RBFOX1: variants seen among roughly 807,000 people sequenced by gnomAD.
RBFOX1 encodes RNA binding protein fox-1 homolog 1.
In RBFOX1, 8 loss-of-function variants were observed where a neutral mutation model predicts 57.7. The observed-to-expected ratio is 0.14, with a 90% CI of 0.08 to 0.25. The LOEUF is 0.25. RBFOX1 is among the 10% of genes least tolerant of loss of function. RBFOX1 has a pLI of 1.00. For missense variants in RBFOX1, 611 were observed against 548.5 expected, an observed-to-expected ratio of 1.11 and a Z score of -1.14; for synonymous variants, 326 against 222.4, an observed-to-expected ratio of 1.47 and a Z score of -4.15.
At chr16:7,141,257 G>T (rs1300177760) in intron 4 of RBFOX1, among the ~76,000 whole-genome samples, 1 of 152,172 alleles carries the variant, frequency 6.6e-6, no homozygotes, top group Non-Finnish European at 1.5e-5. Context: ...CCTTCAAGGA[G>T]TTAAGTTCAG....
chr16:6,472,626 C>A (rs1448399966), intron 2 of RBFOX1, among the ~76,000 whole-genome samples: 1 of 150,884 alleles, frequency 6.6e-6, no homozygotes, highest in Admixed American at 6.6e-5. Context: ...TTTTTTCTTT[C>A]TTTCTTTTTT....
rs745504789 is a variant in RBFOX1 at position 7,411,203 on chromosome 16, C to T, written c.28-106944C>T. 4.0e-5 allele frequency among the ~76,000 whole-genome samples: 6 copies of T among 151,036 alleles called. No individual in the cohort carries two copies. The East Asian group carries it at 7.9e-4, about 20-fold the overall frequency. On this transcript the variant is annotated intron_variant, in intron 4 of 15. Coordinates refer to ENST00000550418, the MANE Select transcript of RBFOX1 (RefSeq NM_018723.4). ...TCAGGTGATCTGCCCTTCTCAGCCT[C>T]CCAAAGTGCTGGGATTACAGCCACC...
intron 3 of RBFOX1, among the ~76,000 whole-genome samples, chr16:6,657,179 C>T (rs1415333165): frequency 6.6e-6 from 1 of 150,940 alleles, no homozygotes; most frequent in Non-Finnish European, 1.5e-5. Context: ...CTTTTTCTCT[C>T]CTCCTTTCCT....
intron 10 of RBFOX1, among the ~76,000 whole-genome samples, chr16:7,616,891 C>T (rs1447439819): frequency 1.3e-5 from 2 of 152,006 alleles, no homozygotes; most frequent in East Asian, 3.9e-4. Context: ...CTCCCAGGAG[C>T]TGGCCAAAGT....
intron 3 of RBFOX1, among the ~76,000 whole-genome samples, chr16:6,823,239 T>G (rs2091614432): frequency 6.6e-6 from 1 of 151,840 alleles, no homozygotes; most frequent in Non-Finnish European, 1.5e-5. Context: ...CATCTGAAAT[T>G]GTTTTGTTTT....
At chr16:6,052,804 T>TAATAATA (rs1333699113) in intron 1 of RBFOX1, among the ~76,000 whole-genome samples, 10 of 144,222 alleles carry the variant, frequency 6.9e-5, no homozygotes, top group African/African-American at 1.5e-4. Flanking sequence ...TAAAATAAAA[T>TAATAATA]ATAATAATAA....
chr16:5,714,182 C>T (rs1027378011), intron 3 of RBFOX1, among the ~76,000 whole-genome samples: 6 of 152,212 alleles, frequency 3.9e-5, no homozygotes, highest in African/African-American at 1.4e-4. Context: ...TCATTCTTTA[C>T]TCTTCTCTGC....
At chr16:6,689,392 A>T (rs2059897116) in intron 3 of RBFOX1, among the ~76,000 whole-genome samples, 1 of 152,302 alleles carries the variant, frequency 6.6e-6, no homozygotes, top group East Asian at 1.9e-4. Flanking sequence ...GATTTATTTG[A>T]TGTGGGCAAT....
At chr16:5,914,792 G>C (rs866386370) in intron 4 of RBFOX1, among the ~76,000 whole-genome samples, 4 of 152,124 alleles carry the variant, frequency 2.6e-5, no homozygotes, top group South Asian at 4.1e-4. Context: ...CTACTCAGGA[G>C]GCTGAGGCAG....
chr16:6,026,537 A>G (rs1159736050), intron 1 of RBFOX1, among the ~76,000 whole-genome samples: 1 of 152,208 alleles, frequency 6.6e-6, no homozygotes, highest in Non-Finnish European at 1.5e-5. Flanking sequence ...GCAAGATACA[A>G]GGGAGGGTGG....
chr16:6,698,937 C>T (rs576622004), intron 3 of RBFOX1, among the ~76,000 whole-genome samples: 13 of 152,186 alleles, frequency 8.5e-5, no homozygotes, highest in South Asian at 6.2e-4. Context: ...GTGTCCATAG[C>T]GTACGAAGAC....
chr16:7,130,184 C>T (rs978310493), intron 4 of RBFOX1, among the ~76,000 whole-genome samples: 2 of 151,944 alleles, frequency 1.3e-5, no homozygotes, highest in African/African-American at 4.8e-5. Flanking sequence ...CAGGCACGTG[C>T]CACCATGCCC....
intron 2 of RBFOX1, among the ~76,000 whole-genome samples, chr16:6,544,642 G>T (rs1268620672): frequency 6.6e-6 from 1 of 152,158 alleles, no homozygotes; most frequent in Non-Finnish European, 1.5e-5. Context: ...TGGATTTGAG[G>T]ATCATAACTT....
chr16:7,313,211 G>T (rs1032506785), intron 4 of RBFOX1, among the ~76,000 whole-genome samples: 8 of 152,134 alleles, frequency 5.3e-5, no homozygotes, highest in South Asian at 2.1e-4. Flanking sequence ...TCGTTGACAG[G>T]TTCCCTCAAC....
At chr16:5,263,770 G>T (rs1272900632) in intron 1 of RBFOX1, among the ~76,000 whole-genome samples, 2 of 152,182 alleles carry the variant, frequency 1.3e-5, no homozygotes, top group Non-Finnish European at 2.9e-5. Context: ...AACCCCTAGG[G>T]ATGGGTTTGG....
intron 10 of RBFOX1, among the ~76,000 whole-genome samples, chr16:7,623,331 A>G (rs2059591644): frequency 6.6e-6 from 1 of 152,198 alleles, no homozygotes; most frequent in African/African-American, 2.4e-5. Context: ...ACATTGTAAT[A>G]TATAATGAAT....
chr16:7,002,383 C>G (rs548906245), intron 3 of RBFOX1, among the ~76,000 whole-genome samples: 1 of 152,172 alleles, frequency 6.6e-6, no homozygotes, highest in Non-Finnish European at 1.5e-5. Context: ...TGAAGGTTTT[C>G]TGTTTATCCA....
At chr16:5,613,307 G>A (rs758044133) in intron 3 of RBFOX1, among the ~76,000 whole-genome samples, 1 of 152,190 alleles carries the variant, frequency 6.6e-6, no homozygotes, top group Non-Finnish European at 1.5e-5. Flanking sequence ...TTGCACAGTT[G>A]AGGGTGGGTT....
intron 3 of RBFOX1, among the ~76,000 whole-genome samples, chr16:6,800,688 G>C (rs1285114592): frequency 2.0e-5 from 3 of 152,130 alleles, no homozygotes; most frequent in African/African-American, 7.2e-5. Context: ...CACTGGAGTA[G>C]GCCCGTGGAC....
Sources: allele counts gnomAD v4.1 joint callset (sites outside exome capture counted in the v4.1 genomes callset), GRCh38; gene constraint gnomAD v4.1.1; transcripts MANE v1.5; gene names NCBI Gene and HGNC (gene_info 2026-07-23, HGNC 2026-07-21).